EEF2K: variants seen among roughly 807,000 people sequenced by gnomAD.
The protein encoded by EEF2K is alternative protein EEF2K.
A neutral mutation model predicts 93.8 loss-of-function variants in EEF2K; 70 were observed. The ratio of observed to expected loss-of-function variants is 0.75; its 90% CI spans 0.62 to 0.91. EEF2K has a LOEUF of 0.91. EEF2K is among the 40% of genes least tolerant of loss of function. The pLI is 0.00. For synonymous variants in EEF2K, 376 were observed against 380.8 expected (o/e 0.99, Z 0.15); for missense variants, 935 against 972.9 (o/e 0.96, Z 0.52).
At chr16:22,207,407 A>G (rs548802474) in intron 1 of EEF2K, among the ~76,000 whole-genome samples, 1 of 152,274 alleles carries the variant, frequency 6.6e-6, no homozygotes, top group Admixed American at 6.5e-5. Context: ...TCAGCCAGGA[A>G]AGCAGGAAAC....
chr16:22,226,532 T>TA (rs2047066738), intron 2 of EEF2K, among the ~76,000 whole-genome samples: 1 of 148,550 alleles, frequency 6.7e-6, no homozygotes, highest in Admixed American at 6.8e-5. Flanking sequence ...TTTTTTTTTT[T>TA]ATAAACGTGG....
intron 3 of EEF2K, among the ~76,000 whole-genome samples, chr16:22,247,798 G>T (rs1344026624): frequency 6.6e-6 from 1 of 152,130 alleles, no homozygotes; most frequent in Non-Finnish European, 1.5e-5. Context: ...GGAGGAAAGA[G>T]ATCACTCCTT....
Position 22,250,660 on chromosome 16 carries a change from G to C in EEF2K, c.415G>C (p.Gly139Arg). 5.0e-6 allele frequency: 8 copies of C among 1,614,204 alleles called. No homozygotes were observed. The highest frequency in any genetic ancestry group is 6.8e-6 in the Non-Finnish European group (8 of 1,180,044). ...TCTGTGTGGTGTCTTTCAGCCCTTC[G>C]GCCGAGGAGCAATGAGGGAGTGCTT... ...VLIKMASQPF[G>R]RGAMRECFRT... The change falls in exon 5 of 18, where the codon GGC becomes CGC. Residue 139 changes from glycine to arginine, a missense_variant. Coordinates refer to ENST00000263026, the MANE Select transcript of EEF2K (RefSeq NM_013302.5).
intron 11 of EEF2K, 42 bp from the exon 12 acceptor site, chr16:22,263,068 T>A (rs1204003541): frequency 5.0e-6 from 8 of 1,592,042 alleles, no homozygotes; most frequent in Non-Finnish European, 6.9e-6. Flanking sequence ...TTCCAGGTGC[T>A]CAGGGGACCA....
chr16:22,276,620 T>TG (rs1486066005), intron 16 of EEF2K, among the ~76,000 whole-genome samples: 3 of 152,098 alleles, frequency 2.0e-5, no homozygotes, highest in Non-Finnish European at 4.4e-5. Flanking sequence ...CCCTCGCCAA[T>TG]GGGATAGCAT....
chr16:22,209,112 TCTGCCTCCCAGATTCAAGTGATTTTC>T (rs1231410243), intron 1 of EEF2K, among the ~76,000 whole-genome samples: 2 of 152,334 alleles, frequency 1.3e-5, no homozygotes, highest in Middle Eastern at 3.4e-3. Flanking sequence ...CACTGCAACC[TCTGCCTCCCAGATTCAAGTGATTTTC>T]CTGCCTCAGC....
At chr16:22,247,770 C>T (rs144020048) in intron 3 of EEF2K, among the ~76,000 whole-genome samples, 4 of 152,270 alleles carry the variant, frequency 2.6e-5, no homozygotes, top group African/African-American at 9.6e-5. Context: ...AACTGGTTGT[C>T]CATGACCCTT....
rs1016393855 is a variant in EEF2K, at chr16:22,277,195, G to A, written c.1890-3003G>A. ...TCTGTCACCCAGGCTAGAGTGCGATGGTGTAATCATAGCTCACTGTAGTCT... is the reference window on the plus strand; with the variant it reads ...TCTGTCACCCAGGCTAGAGTGCGATAGTGTAATCATAGCTCACTGTAGTCT... On this transcript the variant is annotated intron_variant, in intron 16 of 17. Coordinates refer to ENST00000263026, the MANE Select transcript of EEF2K (RefSeq NM_013302.5). Among the ~76,000 whole-genome samples, 6 of 152,186 alleles carry A rather than the reference G, an allele frequency of 3.9e-5. No homozygotes were observed. In the East Asian group the frequency reaches 1.2e-3, roughly 29 times the overall value.
chr16:22,221,167 A>T (rs918066774), intron 1 of EEF2K, among the ~76,000 whole-genome samples: 1 of 152,160 alleles, frequency 6.6e-6, no homozygotes, highest in Non-Finnish European at 1.5e-5. Context: ...AGAAAGAAAA[A>T]ACAGAGGACT....
At chr16:22,215,388 G>T (rs2046948967) in intron 1 of EEF2K, among the ~76,000 whole-genome samples, 1 of 152,176 alleles carries the variant, frequency 6.6e-6, no homozygotes, top group Admixed American at 6.6e-5. Context: ...GGAGAGTTTG[G>T]TGGTGCATGG....
intron 17 of EEF2K, among the ~76,000 whole-genome samples, chr16:22,281,062 A>G (rs2047688646): frequency 1.3e-5 from 2 of 151,642 alleles, no homozygotes; most frequent in African/African-American, 2.4e-5. Context: ...AGCCTCCTGC[A>G]TAGCTGGGAC....
chr16:22,262,848 G>C (rs2047478993), intron 11 of EEF2K, among the ~76,000 whole-genome samples: 1 of 152,180 alleles, frequency 6.6e-6, no homozygotes, highest in African/African-American at 2.4e-5. Flanking sequence ...TAGAGCCCAA[G>C]GTCCTTACTG....
rs374413027 is a variant in EEF2K, at chr16:22,232,060, G to A, written c.246+6085G>A. ...ATGGGAGTGTCTTCTAGGTCCCTCC[G>A]CTCCAGGACCTTTCTAGGCTCTGTT... On this transcript the variant is annotated intron_variant, in intron 2 of 17. Coordinates refer to ENST00000263026, the MANE Select transcript of EEF2K (RefSeq NM_013302.5). Among the ~76,000 whole-genome samples the A allele has an allele frequency of 1.6e-3, 214 of 134,112 alleles. 6 individuals carry two copies. The South Asian group carries it at 0.051, about 32-fold the overall frequency. 88.0% of individuals were successfully genotyped at this position (134,112 alleles called of 152,430 possible).
chr16:22,250,026 C>A (rs2047333482), intron 4 of EEF2K, among the ~76,000 whole-genome samples: 1 of 152,176 alleles, frequency 6.6e-6, no homozygotes, highest in East Asian at 1.9e-4. Flanking sequence ...AGGTGATCCA[C>A]CCACCTCAGC....
chr16:22,246,883 CA>C (rs2047297897), intron 3 of EEF2K, among the ~76,000 whole-genome samples: 1 of 150,570 alleles, frequency 6.6e-6, no homozygotes, highest in African/African-American at 2.4e-5. Context: ...ACTAAAAATA[CA>C]AAAATTAGTT....
chr16:22,223,007 A>G (rs1047284727), intron 1 of EEF2K, among the ~76,000 whole-genome samples: 4 of 151,976 alleles, frequency 2.6e-5, no homozygotes, highest in African/African-American at 4.8e-5. Flanking sequence ...ATTTCCCCCA[A>G]CCATTCCCAC....
rs2046864469 is a variant in EEF2K at position 22,206,575 on chromosome 16, C to A, written c.-181C>A. On this transcript the variant is annotated 5_prime_UTR_variant, in exon 1 of 18. Coordinates refer to ENST00000263026, the MANE Select transcript of EEF2K (RefSeq NM_013302.5). The stretch of plus-strand genomic sequence containing the variant: ...TCCGCTCCCCGGCACTCTCGGGGGG[C>A]CCGCCCGCCCTGCACCCTGGAGCTC... 6.6e-6 allele frequency: 1 copy of A among 152,440 alleles called. No individual in the cohort carries two copies. The allele number at this position is 152,440 out of a possible 1,614,324, so 9.4% of individuals were successfully genotyped here.
At chr16:22,274,638 C>T (rs1049764284) in intron 16 of EEF2K, among the ~76,000 whole-genome samples, 3 of 151,988 alleles carry the variant, frequency 2.0e-5, no homozygotes, top group African/African-American at 7.3e-5. Flanking sequence ...AACAGGGTCT[C>T]ACTCTGTCAC....
chr16:22,247,352 G>A (rs2047305944), intron 3 of EEF2K, among the ~76,000 whole-genome samples: 1 of 151,796 alleles, frequency 6.6e-6, no homozygotes, highest in African/African-American at 2.4e-5. Context: ...GAAGGCTGGA[G>A]CAGGAGAACT....
Sources: allele counts gnomAD v4.1 joint callset (sites outside exome capture counted in the v4.1 genomes callset), GRCh38; gene constraint gnomAD v4.1.1; transcripts MANE v1.5; gene names NCBI Gene and HGNC (gene_info 2026-07-23, HGNC 2026-07-21).